SLC35D4: variants seen among roughly 807,000 people sequenced by gnomAD.
SLC35D4 encodes UDP-N-acetylglucosamine transporter SLC35D4.
chr18:23,255,408 T>C, the SLC35D4 span, among the ~76,000 whole-genome samples: 1 of 151,972 alleles, frequency 6.6e-6, no homozygotes, highest in South Asian at 2.1e-4. Flanking sequence ...TTGAAAAGAG[T>C]ATTTTTTAGG....
At chr18:23,371,106 T>TC in the SLC35D4 span, among the ~76,000 whole-genome samples, 2 of 80,408 alleles carry the variant, frequency 2.5e-5, no homozygotes, top group Non-Finnish European at 7.0e-5. Context: ...TCTCTCTTTC[T>TC]TTTTTTTTGA....
chr18:23,372,136 C>T, the SLC35D4 span, among the ~76,000 whole-genome samples: 3 of 149,266 alleles, frequency 2.0e-5, no homozygotes, highest in East Asian at 2.0e-4. Context: ...GGGGTTTCAC[C>T]GTTTTTAGCC....
the SLC35D4 span, among the ~76,000 whole-genome samples, chr18:23,399,321 T>A: frequency 3.9e-5 from 6 of 152,348 alleles, no homozygotes; most frequent in African/African-American, 1.4e-4. Flanking sequence ...GCAGGGCCCG[T>A]CTCTGGCCAG....
At chr18:23,424,551 G>A in the SLC35D4 span, among the ~76,000 whole-genome samples, 2 of 152,174 alleles carry the variant, frequency 1.3e-5, no homozygotes, top group Non-Finnish European at 2.9e-5. Flanking sequence ...CAATCCAAGC[G>A]TAGAGATTAC....
chr18:23,433,396 T>C, the SLC35D4 span, among the ~76,000 whole-genome samples: 3 of 152,220 alleles, frequency 2.0e-5, no homozygotes, highest in Admixed American at 2.0e-4. Flanking sequence ...TTAGTATTTA[T>C]TAATTTAATA....
chr18:23,264,489 A>T, the SLC35D4 span, among the ~76,000 whole-genome samples: 1 of 149,374 alleles, frequency 6.7e-6, no homozygotes, highest in South Asian at 2.1e-4. Context: ...CAGCCTCCTG[A>T]GTAGCTGGGA....
chr18:23,312,541 A>C, the SLC35D4 span, among the ~76,000 whole-genome samples: 3 of 152,104 alleles, frequency 2.0e-5, no homozygotes, highest in African/African-American at 7.2e-5. Flanking sequence ...ATTTCTGTAG[A>C]GAATGTAGAC....
chr18:23,315,363 TG>T, the SLC35D4 span, among the ~76,000 whole-genome samples: 3,759 of 152,322 alleles, frequency 0.025, 50 homozygotes, highest in Middle Eastern at 0.058. Context: ...TTACTGAACT[TG>T]GCCCCCGTCC....
the SLC35D4 span, among the ~76,000 whole-genome samples, chr18:23,417,536 A>G: frequency 6.6e-6 from 1 of 152,228 alleles, no homozygotes; most frequent in Admixed American, 6.5e-5. Flanking sequence ...GAATGGGAAG[A>G]TATCATTTAA....
chr18:23,431,497 C>T, the SLC35D4 span, among the ~76,000 whole-genome samples: 1 of 152,190 alleles, frequency 6.6e-6, no homozygotes, highest in African/African-American at 2.4e-5. Flanking sequence ...AGTAAAATCA[C>T]CTCCTAGTCT....
At chr18:23,258,276 C>T in the SLC35D4 span, 2 of 152,624 alleles carry the variant, frequency 1.3e-5, no homozygotes, top group African/African-American at 4.8e-5. Flanking sequence ...TTCCTGTCCT[C>T]TATGTTAGAG....
At chr18:23,347,044 C>T in the SLC35D4 span, among the ~76,000 whole-genome samples, 1 of 152,112 alleles carries the variant, frequency 6.6e-6, no homozygotes, top group African/African-American at 2.4e-5. Flanking sequence ...GGGAGTTATT[C>T]CCTCTTCCTT....
chr18:23,433,568 C>A, the SLC35D4 span, among the ~76,000 whole-genome samples: 1 of 152,138 alleles, frequency 6.6e-6, no homozygotes, highest in African/African-American at 2.4e-5. Context: ...ACGTCATCAG[C>A]CAGGGCCAGC....
chr18:23,391,041 C>T, the SLC35D4 span, among the ~76,000 whole-genome samples: 1 of 152,012 alleles, frequency 6.6e-6, no homozygotes, highest in Non-Finnish European at 1.5e-5. Context: ...GCTTGGCCAA[C>T]ATGGTGAAAC....
At chr18:23,407,449 T>C in the SLC35D4 span, among the ~76,000 whole-genome samples, 1 of 151,784 alleles carries the variant, frequency 6.6e-6, no homozygotes, top group South Asian at 2.1e-4. Flanking sequence ...ACTGGCAACA[T>C]ATGAAACAGG....
the SLC35D4 span, among the ~76,000 whole-genome samples, chr18:23,318,702 A>G: frequency 6.6e-6 from 1 of 152,246 alleles, no homozygotes; most frequent in African/African-American, 2.4e-5. Context: ...GAAAAAGTCA[A>G]TATCATGCTA....
At chr18:23,262,696 C>T in the SLC35D4 span, among the ~76,000 whole-genome samples, 11,165 of 152,302 alleles carry the variant, frequency 0.073, 556 homozygotes, top group African/African-American at 0.15. Flanking sequence ...ACAGATTCCC[C>T]AGGTGGGCCC....
At chr18:23,259,569 TTTTAA>T in the SLC35D4 span, 2 of 152,072 alleles carry the variant, frequency 1.3e-5, no homozygotes, top group East Asian at 1.9e-4. Flanking sequence ...GTTTTGTGGG[TTTTAA>T]TTTATTTGTG....
At chr18:23,377,582 A>G in the SLC35D4 span, 20 of 1,471,886 alleles carry the variant, frequency 1.4e-5, no homozygotes, top group Non-Finnish European at 1.7e-5. Context: ...ACAGTTTATC[A>G]TTCAAGTTAA....
Sources: allele counts gnomAD v4.1 joint callset (sites outside exome capture counted in the v4.1 genomes callset), GRCh38; gene constraint gnomAD v4.1.1; transcripts MANE v1.5; gene names NCBI Gene and HGNC (gene_info 2026-07-23, HGNC 2026-07-21).